The following CDK12 variants were observed in gnomAD, a reference collection of about 807,000 sequenced individuals.
CDK12 encodes cyclin dependent kinase 12.
In CDK12, 17 loss-of-function variants were observed where a neutral mutation model predicts 133.8. The ratio of observed to expected loss-of-function variants is 0.13; its 90% CI spans 0.09 to 0.19. CDK12 has a LOEUF of 0.19. Ranked by LOEUF, CDK12 falls within the 10% of genes least tolerant of loss-of-function variation. The pLI, the probability that CDK12 is intolerant of heterozygous loss-of-function variation, is 1.00. For missense variants in CDK12, 1,508 were observed against 1,818.7 expected (o/e 0.83, Z 3.11); for synonymous variants, 694 against 683.6 (o/e 1.02, Z -0.24).
At position 39,531,193 on chromosome 17, in the gene CDK12, C is replaced by G; in HGVS notation, c.4350C>G (p.Ala1450=). The change falls in exon 14 of 14, where the codon GCC becomes GCG. Residue 1450 remains alanine (A), a synonymous_variant. Coordinates refer to ENST00000447079, the MANE Select transcript of CDK12 (RefSeq NM_016507.4). ...AGCTGGGGCCAGGAACCACTGGGGCCAGCAGCTCAGGAGCAGGCCTTCACT... is the reference window on the plus strand; with the variant it reads ...AGCTGGGGCCAGGAACCACTGGGGCGAGCAGCTCAGGAGCAGGCCTTCACT... The part of the protein sequence containing the change: ...YGELGPGTTG[A]SSSGAGLHWG... The G allele has an allele frequency of 3.9e-6, 6 of 1,521,084 alleles. No homozygotes were observed. Among genetic ancestry groups the G allele is most frequent in the Non-Finnish European group, 5.3e-6 (6 of 1,136,258 alleles). The allele number at this position is 1,521,084 out of a possible 1,614,324, so 94.2% of individuals were successfully genotyped here.
chr17:39,476,391 G>A (rs982238741), intron 2 of CDK12, among the ~76,000 whole-genome samples: 4 of 151,818 alleles, frequency 2.6e-5, no homozygotes, highest in African/African-American at 9.7e-5. Flanking sequence ...TTACTGGCAT[G>A]AATCCCCGTG....
chr17:39,553,043 A>C (rs1207764320), intron 2 of CDK12, among the ~76,000 whole-genome samples: 1 of 152,132 alleles, frequency 6.6e-6, no homozygotes, highest in African/African-American at 2.4e-5. Context: ...AGGTTTAGCC[A>C]AGGGTGCCAG....
chr17:39,498,805 A>G (rs1399907595), intron 5 of CDK12, among the ~76,000 whole-genome samples: 1 of 152,036 alleles, frequency 6.6e-6, no homozygotes. Flanking sequence ...GATTACAGGC[A>G]TGAGCCACTG....
At chr17:39,463,249 TC>T in intron 1 of CDK12, 132 bp downstream of exon 1, 1 of 784,264 alleles carries the variant, frequency 1.3e-6, no homozygotes. Flanking sequence ...GGCTAGTCAT[TC>T]CAGTGTGTGA....
intron 1 of CDK12, among the ~76,000 whole-genome samples, chr17:39,467,620 A>G (rs1436310019): frequency 6.6e-6 from 1 of 152,156 alleles, no homozygotes; most frequent in East Asian, 1.9e-4. Context: ...TTCCTTAGGA[A>G]GATTTGGTCA....
chr17:39,490,638 C>T lies in CDK12; in HGVS notation c.2013C>T (p.Leu671=). ...RTRHLLTDLP[L]PPELPGGDLS... is the part of the protein sequence containing the mutation. The stretch of plus-strand genomic sequence containing the variant: ...GTCACTTACTCACAGACCTTCCTCT[C>T]CCTCCAGAGCTCCCTGGTGGAGATC... Residue 671 remains leucine, a synonymous_variant, in exon 3 of 14, where the codon CTC becomes CTT. Coordinates refer to ENST00000447079, the MANE Select transcript of CDK12 (RefSeq NM_016507.4). 1 of 1,613,306 alleles carries T rather than the reference C, an allele frequency of 6.2e-7. No individual in the cohort carries two copies. Among genetic ancestry groups the T allele is most frequent in the Non-Finnish European group, 8.5e-7 (1 of 1,179,336 alleles).
rs2054785173 is a variant in CDK12 at position 39,530,721 on chromosome 17, T to G, written c.3878T>G (p.Leu1293Trp). The G allele has an allele frequency of 6.2e-7, 1 of 1,613,636 alleles. No homozygotes were observed. Among genetic ancestry groups the G allele is most frequent in the South Asian group, 1.1e-5 (1 of 91,066 alleles). ...GATCTTTCCAGCGCCCCCCAGGAGT[T>G]GAACCCAGCCGTGACAGCCGCCTTG... The part of the protein sequence containing the change: ...EGDLSSAPQE[L>W]NPAVTAALLQ... The change falls in exon 14 of 14, where the codon TTG becomes TGG. Residue 1293 changes from leucine (L) to tryptophan (W), a missense_variant. By Grantham distance (61) the Leu-to-Trp change is moderately conservative. Coordinates refer to ENST00000447079, the MANE Select transcript of CDK12 (RefSeq NM_016507.4).
At chr17:39,475,897 A>G (rs2050155756) in intron 2 of CDK12, among the ~76,000 whole-genome samples, 1 of 152,090 alleles carries the variant, frequency 6.6e-6, no homozygotes, top group African/African-American at 2.4e-5. Context: ...AAATATAGAT[A>G]GATAAAAGCC....
chr17:39,522,423 G>GT (rs891148208), intron 11 of CDK12, among the ~76,000 whole-genome samples: 12 of 150,722 alleles, frequency 8.0e-5, no homozygotes, highest in East Asian at 6.0e-4. Context: ...ATCACTGCCA[G>GT]TTTTTTTTGT....
chr17:39,472,892 C>T (rs1412929821), intron 2 of CDK12, among the ~76,000 whole-genome samples: 2 of 151,522 alleles, frequency 1.3e-5, no homozygotes, highest in Admixed American at 1.3e-4. Flanking sequence ...TGGCTAACAA[C>T]GGTGAAACCC....
intron 2 of CDK12, among the ~76,000 whole-genome samples, chr17:39,473,235 G>T (rs1039332353): frequency 4.4e-4 from 67 of 151,696 alleles, no homozygotes; most frequent in African/African-American, 1.6e-3. Context: ...TGATCCCAGG[G>T]TCCAAACTAG....
rs536022483 is a variant in CDK12 at position 39,461,511 on chromosome 17, G to T, written c.-561G>T. 5.5e-5 allele frequency: 13 copies of T among 236,278 alleles called. No homozygotes were observed. Among genetic ancestry groups the T allele is most frequent in the African/African-American group, 2.9e-4 (13 of 45,338 alleles). 14.6% of individuals were successfully genotyped at this position (236,278 alleles called of 1,614,324 possible). A position where few individuals can be genotyped will look rare whatever the true frequency, so the allele number is the denominator to read the frequency against. ...AAGTGCCGTTTCGGTTTAATCTAGT[G>T]TGTGACTGGGTCTGTGTGAGGGAGA... On this transcript the variant is annotated 5_prime_UTR_variant, in exon 1 of 14. Transcript: ENST00000447079.
At chr17:39,485,854 C>T (rs2051083339) in intron 2 of CDK12, among the ~76,000 whole-genome samples, 1 of 151,958 alleles carries the variant, frequency 6.6e-6, no homozygotes, top group South Asian at 2.1e-4. Flanking sequence ...GCTTGGGTGA[C>T]ACAGCAAGAT....
At chr17:39,500,341 A>G (rs2052626502) in intron 5 of CDK12, among the ~76,000 whole-genome samples, 2 of 151,694 alleles carry the variant, frequency 1.3e-5, no homozygotes, top group African/African-American at 4.8e-5. Flanking sequence ...AAAAAAAAAA[A>G]GAAGAAAAAG....
intron 3 of CDK12, among the ~76,000 whole-genome samples, chr17:39,560,058 A>G (rs1468305827): frequency 2.0e-5 from 3 of 152,070 alleles, no homozygotes; most frequent in South Asian, 4.2e-4. Flanking sequence ...TAGACTCTCA[A>G]GTTGCTGAGA....
chr17:39,476,064 ATT>A (rs200621398), intron 2 of CDK12, among the ~76,000 whole-genome samples: 2 of 144,352 alleles, frequency 1.4e-5, no homozygotes, highest in Non-Finnish European at 1.5e-5. Flanking sequence ...AAGAATCTTG[ATT>A]TTTTTTTTTT....
At chr17:39,566,677 G>T (rs1195116046), downstream of CDK12, among the ~76,000 whole-genome samples, 1 of 152,106 alleles carries the variant, frequency 6.6e-6, no homozygotes, top group Non-Finnish European at 1.5e-5. Flanking sequence ...TCTTGGGTGG[G>T]CAGCCCCCCT....
chr17:39,464,196 G>A (rs1372010194), intron 1 of CDK12, among the ~76,000 whole-genome samples: 1 of 151,500 alleles, frequency 6.6e-6, no homozygotes, highest in African/African-American at 2.4e-5. Flanking sequence ...GAGAAATTGT[G>A]CTAATTTGAA....
chr17:39,542,495 ATTTTCT>A (rs1396964217), intron 1 of CDK12, among the ~76,000 whole-genome samples: 9 of 146,592 alleles, frequency 6.1e-5, no homozygotes, highest in African/African-American at 1.3e-4. Flanking sequence ...CCAGCCTCTT[ATTTTCT>A]TTTTCTTTTT....
Sources: gnomAD v4.1 joint callset for allele counts (sites outside exome capture counted in the v4.1 genomes callset) on GRCh38, gnomAD v4.1.1 for gene constraint, MANE v1.5 for transcripts, NCBI Gene and HGNC (gene_info 2026-07-23, HGNC 2026-07-21) for gene names.